The following PCLAF variants were observed in gnomAD, a reference collection of about 807,000 sequenced individuals.
PCLAF encodes PCNA clamp associated factor.
In PCLAF, 12 loss-of-function variants were observed where a neutral mutation model predicts 15.1. The ratio of observed to expected loss-of-function variants is 0.79; its 90% CI spans 0.51 to 1.29. PCLAF has a LOEUF of 1.29. Among genes scored for constraint, PCLAF ranks in the 50% most tolerant of loss-of-function variants. The probability of loss-of-function intolerance (pLI) is 0.00; values close to 1 mark genes in which losing one functional copy is unlikely to be tolerated. For missense variants in PCLAF, 116 were observed against 130.9 expected, an observed-to-expected ratio of 0.89 and a Z score of 0.56; for synonymous variants, 33 against 47.1, an observed-to-expected ratio of 0.70 and a Z score of 1.22.
At chr15:64,369,304 C>T (rs537151587) in intron 3 of PCLAF, among the ~76,000 whole-genome samples, 7 of 140,020 alleles carry the variant, frequency 5.0e-5, no homozygotes, top group East Asian at 2.1e-4. Flanking sequence ...AAGGCTACAG[C>T]GAGCTATGAT....
intron 1 of PCLAF, among the ~76,000 whole-genome samples, chr15:64,387,088 C>G (rs1043967372): frequency 6.6e-6 from 1 of 151,732 alleles, no homozygotes; most frequent in Non-Finnish European, 1.5e-5. Context: ...GTTGTCTTGG[C>G]TCTCCTGGAA....
chr15:64,372,886 G>A (rs936552701), intron 3 of PCLAF, among the ~76,000 whole-genome samples: 11 of 152,000 alleles, frequency 7.2e-5, no homozygotes, highest in African/African-American at 2.7e-4. Flanking sequence ...AAAATCGCTT[G>A]AACCCAGGAG....
upstream of PCLAF, chr15:64,382,940 C>G (rs1270164602): frequency 5.3e-6 from 1 of 187,702 alleles, no homozygotes; most frequent in Non-Finnish European, 1.1e-5. Context: ...TGCAGTGAGC[C>G]GAGATCACGC....
upstream of PCLAF, among the ~76,000 whole-genome samples, chr15:64,381,963 A>G (rs1899835281): frequency 6.6e-6 from 1 of 152,204 alleles, no homozygotes; most frequent in Non-Finnish European, 1.5e-5. Context: ...ACTTGTTTAC[A>G]AGGGTTTTTT....
At chr15:64,387,311 G>A (rs185420401) in intron 1 of PCLAF, 7,526 of 325,926 alleles carry the variant, frequency 0.023, 103 homozygotes, top group Non-Finnish European at 0.029. Context: ...GAACCCGGGA[G>A]GCGGAGCTTG....
intron 3 of PCLAF, among the ~76,000 whole-genome samples, chr15:64,369,894 A>G (rs771546005): frequency 2.0e-5 from 3 of 152,194 alleles, no homozygotes; most frequent in Non-Finnish European, 4.4e-5. Flanking sequence ...ATAAGAAGCA[A>G]AAGGGACTGT....
chr15:64,376,111 G>A (rs1405250830), intron 3 of PCLAF, among the ~76,000 whole-genome samples: 1 of 152,134 alleles, frequency 6.6e-6, no homozygotes, highest in Non-Finnish European at 1.5e-5. Flanking sequence ...TGTAATCCCA[G>A]CTACTTGGGA....
In PCLAF at chr15:64,365,849, T is replaced by C. The variant is rs1899008735; in HGVS notation, c.*181A>G. 3.3e-6 allele frequency: 2 copies of C among 611,104 alleles called. No individual in the cohort carries two copies. Among genetic ancestry groups the C allele is most frequent in the Non-Finnish European group, 5.7e-6 (2 of 348,132 alleles). 37.9% of individuals were successfully genotyped at this position (611,104 alleles called of 1,614,324 possible). On this transcript the variant is annotated 3_prime_UTR_variant, in exon 4 of 4. Coordinates refer to ENST00000300035, the MANE Select transcript of PCLAF (RefSeq NM_014736.6). ...TATTGAATACTAAGCTAAGTTACCA[T>C]AATTAGTCTTACAAATTCTCAAATT...
upstream of PCLAF, among the ~76,000 whole-genome samples, chr15:64,384,848 A>C (rs923025353): frequency 6.6e-6 from 1 of 152,174 alleles, no homozygotes; most frequent in Non-Finnish European, 1.5e-5. Context: ...GACAGTAATA[A>C]TAAATTGCAT....
intron 1 of PCLAF, among the ~76,000 whole-genome samples, chr15:64,386,789 C>T (rs1218555100): frequency 1.3e-5 from 2 of 152,052 alleles, no homozygotes; most frequent in East Asian, 3.8e-4. Context: ...AAAACACTAG[C>T]AAAAAGGTAA....
chr15:64,387,077 A>G (rs1478878485), intron 1 of PCLAF, among the ~76,000 whole-genome samples: 1 of 151,990 alleles, frequency 6.6e-6, no homozygotes, highest in African/African-American at 2.4e-5. Flanking sequence ...GAGCTTGCTG[A>G]GTTGTCTTGG....
Position 64,378,614 on chromosome 15 carries a change from A to G in PCLAF, c.128-1709T>C, listed in dbSNP as rs562808977. 3.9e-5 allele frequency among the ~76,000 whole-genome samples: 6 copies of G among 152,292 alleles called. No individual in the cohort carries two copies. The South Asian group carries it at 6.2e-4, about 16-fold the overall frequency. On this transcript the variant is annotated intron_variant, in intron 2 of 3. Coordinates refer to ENST00000300035, the MANE Select transcript of PCLAF (RefSeq NM_014736.6). ...ACCTTACAGGAATGCTTTTACTACT[A>G]GAAAACATACAGCAGCAGCTGGGCG...
At chr15:64,386,825 CT>C (rs1187583915) in intron 1 of PCLAF, among the ~76,000 whole-genome samples, 2 of 152,128 alleles carry the variant, frequency 1.3e-5, no homozygotes, top group Admixed American at 6.6e-5. Flanking sequence ...AATGTGACCA[CT>C]TAGTCTAAAC....
intron 3 of PCLAF, chr15:64,373,542 C>T (rs1030223793): frequency 6.4e-5 from 82 of 1,279,940 alleles, no homozygotes; most frequent in Non-Finnish European, 8.3e-5. Context: ...ACAAGGAGAC[C>T]GGCTGTAGGC....
chr15:64,381,661 T>C (rs1471261400), upstream of PCLAF, among the ~76,000 whole-genome samples: 2 of 152,138 alleles, frequency 1.3e-5, no homozygotes, highest in Admixed American at 6.6e-5. Context: ...ACCAGGACTC[T>C]CCAGGGGTAC....
chr15:64,372,988 G>C (rs1397373241), intron 3 of PCLAF, among the ~76,000 whole-genome samples: 2 of 152,150 alleles, frequency 1.3e-5, no homozygotes, highest in Non-Finnish European at 2.9e-5. Flanking sequence ...AAAAGAAACA[G>C]AGTTAAGTGC....
chr15:64,377,324 G>A (rs992729564), intron 2 of PCLAF, among the ~76,000 whole-genome samples: 1 of 150,122 alleles, frequency 6.7e-6, no homozygotes, highest in African/African-American at 2.4e-5. Context: ...AAAATTAGCT[G>A]GGTGTGGCGG....
chr15:64,378,155 T>C (rs557258922), intron 2 of PCLAF, among the ~76,000 whole-genome samples: 1 of 152,242 alleles, frequency 6.6e-6, no homozygotes, highest in Non-Finnish European at 1.5e-5. Context: ...CTCGATCTCC[T>C]GACCTCATGA....
Position 64,375,682 on chromosome 15 carries a change from C to T in PCLAF, c.290+1061G>A, listed in dbSNP as rs374038021. ...TGCTAGGATTACAGGCATGAGCCAC[C>T]GCACACAGCCTGGTTATATATTTCT... On this transcript the variant is annotated intron_variant, in intron 3 of 3. Transcript: ENST00000300035. 1.4e-4 allele frequency among the ~76,000 whole-genome samples: 22 copies of T among 152,218 alleles called. No homozygotes were observed. In the South Asian group the frequency reaches 3.5e-3, roughly 24 times the overall value.
Sources: allele counts gnomAD v4.1 joint callset (sites outside exome capture counted in the v4.1 genomes callset), GRCh38; gene constraint gnomAD v4.1.1; transcripts MANE v1.5; gene names NCBI Gene and HGNC (gene_info 2026-07-23, HGNC 2026-07-21).